The following PLXNC1 variants were observed in gnomAD, a reference collection of about 807,000 sequenced individuals.
PLXNC1 encodes plexin C1.
Under a neutral mutation model 178.2 loss-of-function variants are expected in PLXNC1, and 75 were observed. The observed-to-expected ratio is 0.42, with a 90% CI of 0.35 to 0.51. PLXNC1 has a LOEUF of 0.51. PLXNC1 is among the 20% of genes least tolerant of loss of function. The pLI is 0.02. For synonymous variants in PLXNC1, 790 were observed against 779.9 expected (o/e 1.01, Z -0.22); for missense variants, 1,503 against 1,984.4 (o/e 0.76, Z 4.61).
intron 21 of PLXNC1, among the ~76,000 whole-genome samples, chr12:94,274,242 G>C (rs978267331): frequency 1.3e-5 from 2 of 151,728 alleles, no homozygotes; most frequent in African/African-American, 4.8e-5. Flanking sequence ...GGAGGCTGAG[G>C]TGGGAGGATT....
Position 94,228,804 on chromosome 12 carries a change from T to C in PLXNC1, c.1980+1569T>C, listed in dbSNP as rs556241539. On this transcript the variant is annotated intron_variant, in intron 9 of 30. Transcript: ENST00000258526. ...CATATTTTGTTTATCCATTCATCCATGGATTAACGCTTGGGTCGCTTCCAC... is the reference window on the plus strand; with the variant it reads ...CATATTTTGTTTATCCATTCATCCACGGATTAACGCTTGGGTCGCTTCCAC... Among the ~76,000 whole-genome samples the C allele has an allele frequency of 1.6e-4, 25 of 152,366 alleles. No individual in the cohort carries two copies. The South Asian group carries it at 4.8e-3, about 29-fold the overall frequency.
intron 7 of PLXNC1, 82 bp from the exon 8 acceptor site, chr12:94,226,523 C>A: frequency 2.4e-6 from 2 of 846,182 alleles, no homozygotes; most frequent in Non-Finnish European, 3.9e-6. Context: ...TAAATGCTTG[C>A]ATGCCACATC....
In PLXNC1 at chr12:94,215,246, A is replaced by G. The variant is rs192683314; in HGVS notation, c.1555-4770A>G. Among the ~76,000 whole-genome samples, 141 of 152,310 alleles carry G rather than the reference A, an allele frequency of 9.3e-4. 1 individual carries two copies. The Middle Eastern group carries it at 0.017, about 18-fold the overall frequency. ...TAGCAAAACCTTATTAATTAAAAAC[A>G]TAAGCATAAAGAAAAATAAAAACAA... On this transcript the variant is annotated intron_variant, in intron 5 of 30. Transcript: ENST00000258526.
intron 14 of PLXNC1, among the ~76,000 whole-genome samples, chr12:94,249,234 A>C (rs760664165): frequency 2.0e-5 from 3 of 151,982 alleles, no homozygotes; most frequent in African/African-American, 4.8e-5. Flanking sequence ...GTTAATAATA[A>C]GTTTTATTTG....
At chr12:94,212,268 C>G (rs55874155) in intron 5 of PLXNC1, among the ~76,000 whole-genome samples, 1 of 113,140 alleles carries the variant, frequency 8.8e-6, no homozygotes, top group Non-Finnish European at 1.8e-5. Context: ...AGCGAGACTC[C>G]GTCTCAAAAA....
Position 94,282,829 on chromosome 12 carries a change from TGAA to T in PLXNC1, c.3879+433_3879+435del, listed in dbSNP as rs35130651. 4.1e-3 allele frequency: 642 copies of T among 155,586 alleles called. 16 individuals carry two copies. The highest frequency in any genetic ancestry group is 0.037 in the Admixed American group (589 of 15,858). The allele number at this position is 155,586 out of a possible 1,614,324, so 9.6% of individuals were successfully genotyped here. On this transcript the variant is annotated intron_variant, in intron 23 of 30. Transcript: ENST00000258526. ...ACCTTTTGTGTAGGTCCTTGCTTCCTGAAGAAGTTCTAAATTTCCTGTTTGTTT... is the reference window on the plus strand; with the variant it reads ...ACCTTTTGTGTAGGTCCTTGCTTCCTGAAGTTCTAAATTTCCTGTTTGTTT...
intron 21 of PLXNC1, among the ~76,000 whole-genome samples, chr12:94,278,355 C>T (rs759278823): frequency 6.1e-4 from 93 of 152,214 alleles, no homozygotes; most frequent in Admixed American, 1.4e-3. Flanking sequence ...CGTGAGGGTA[C>T]GTATCAGGTA....
chr12:94,255,128 ACAG>A (rs1293425223), intron 16 of PLXNC1, 62 bp from the exon 17 acceptor site: 3 of 1,266,062 alleles, frequency 2.4e-6, no homozygotes, highest in East Asian at 2.3e-5. Context: ...GTTAGACAAA[ACAG>A]CAGAAGATCC....
Position 94,289,354 on chromosome 12 carries a change from G to A in PLXNC1, c.3880-5132G>A, listed in dbSNP as rs557496725. 2.0e-5 allele frequency among the ~76,000 whole-genome samples: 3 copies of A among 152,266 alleles called. No homozygotes were observed. In the South Asian group the frequency reaches 6.2e-4, roughly 32 times the overall value. The stretch of plus-strand genomic sequence containing the variant: ...AATTCCCCTCCATTGATGATTGGAG[G>A]GGAATCGCTTGTTGTCACATCGAAT... On this transcript the variant is annotated intron_variant, in intron 23 of 30. Coordinates refer to ENST00000258526, the MANE Select transcript of PLXNC1 (RefSeq NM_005761.3).
At chr12:94,245,418 C>T (rs926641280) in intron 12 of PLXNC1, among the ~76,000 whole-genome samples, 4 of 152,224 alleles carry the variant, frequency 2.6e-5, no homozygotes, top group South Asian at 4.1e-4. Flanking sequence ...TGGTGGCTCA[C>T]GATTATAATC....
chr12:94,278,071 T>C (rs1325652896), intron 21 of PLXNC1: 1 of 456,018 alleles, frequency 2.2e-6, no homozygotes, highest in Non-Finnish European at 4.4e-6. Flanking sequence ...CCTCCCTCTG[T>C]CTCTGTATGG....
intron 5 of PLXNC1, among the ~76,000 whole-genome samples, chr12:94,210,834 A>C (rs1056479758): frequency 6.6e-6 from 1 of 152,202 alleles, no homozygotes; most frequent in Admixed American, 6.5e-5. Flanking sequence ...TTTGGTGGAA[A>C]AGATTCTTAG....
chr12:94,236,740 G>A (rs948219942), intron 9 of PLXNC1, among the ~76,000 whole-genome samples: 2 of 152,148 alleles, frequency 1.3e-5, no homozygotes, highest in African/African-American at 4.8e-5. Context: ...CTTATGTCCT[G>A]TTTTGGTCAC....
intron 4 of PLXNC1, among the ~76,000 whole-genome samples, chr12:94,194,252 T>C (rs1241331665): frequency 6.6e-6 from 1 of 152,144 alleles, no homozygotes; most frequent in African/African-American, 2.4e-5. Context: ...CCCACCCCCA[T>C]GATCCAATCA....
At chr12:94,213,725 C>T (rs1010799290) in intron 5 of PLXNC1, among the ~76,000 whole-genome samples, 14 of 152,290 alleles carry the variant, frequency 9.2e-5, no homozygotes, top group Middle Eastern at 6.8e-3. Flanking sequence ...GAAGTCTTTG[C>T]CCATGCCTAT....
intron 1 of PLXNC1, among the ~76,000 whole-genome samples, chr12:94,158,889 G>A (rs745930999): frequency 1.3e-5 from 2 of 152,160 alleles, no homozygotes; most frequent in Non-Finnish European, 2.9e-5. Flanking sequence ...CACCCCATCC[G>A]GGCCTGTCCC....
At chr12:94,217,307 C>A (rs1366063399) in intron 5 of PLXNC1, among the ~76,000 whole-genome samples, 1 of 152,204 alleles carries the variant, frequency 6.6e-6, no homozygotes, top group Non-Finnish European at 1.5e-5. Flanking sequence ...CTGGTCCCTT[C>A]CCTCCCTGTC....
chr12:94,150,174 G>A, intron 1 of PLXNC1, 141 bp downstream of exon 1: 2 of 709,110 alleles, frequency 2.8e-6, no homozygotes, highest in Non-Finnish European at 4.4e-6. Flanking sequence ...TTCACACCGC[G>A]GGCGGCCGTC....
At position 94,186,490 on chromosome 12, in the gene PLXNC1, T is replaced by G; in HGVS notation, c.1439+17T>G. 1.3e-6 allele frequency: 2 copies of G among 1,563,226 alleles called. No individual in the cohort carries two copies. Among genetic ancestry groups the G allele is most frequent in the Non-Finnish European group, 1.8e-6 (2 of 1,133,678 alleles). On this transcript the variant is annotated intron_variant, in intron 4 of 30. Coordinates refer to ENST00000258526, the MANE Select transcript of PLXNC1 (RefSeq NM_005761.3). ...GCTACAAAGGTATCTCCTGAATTCT[T>G]TCTCACCAACTCGCATTTTTGAAAA...
Sources: gnomAD v4.1 joint callset for allele counts (sites outside exome capture counted in the v4.1 genomes callset) on GRCh38, gnomAD v4.1.1 for gene constraint, MANE v1.5 for transcripts, NCBI Gene and HGNC (gene_info 2026-07-23, HGNC 2026-07-21) for gene names.